The following CDC42BPA variants were observed in gnomAD, a reference collection of about 807,000 sequenced individuals.
The protein encoded by CDC42BPA is CDC42 binding protein kinase alpha, also known as serine/threonine-protein kinase MRCK alpha.
Under a neutral mutation model 223.5 loss-of-function variants are expected in CDC42BPA, and 80 were observed. The observed-to-expected ratio is 0.36, with a 90% CI of 0.30 to 0.43. The LOEUF (loss-of-function observed/expected upper bound fraction) is 0.43. CDC42BPA is among the 20% of genes least tolerant of loss of function. The probability of loss-of-function intolerance (pLI) is 1.00; values close to 1 mark genes in which losing one functional copy is unlikely to be tolerated. For missense variants in CDC42BPA, 1,743 were observed against 2,099.9 expected (o/e 0.83, Z 3.32); for synonymous variants, 694 against 718.6 (o/e 0.97, Z 0.55).
intron 1 of CDC42BPA, among the ~76,000 whole-genome samples, chr1:227,284,858 A>G (rs758090638): frequency 3.3e-5 from 5 of 151,754 alleles, no homozygotes; most frequent in East Asian, 3.9e-4. Flanking sequence ...GCTACTCAGG[A>G]GGCTGAGGTG....
In CDC42BPA at chr1:227,260,927, T is replaced by C. The variant is rs142345801; in HGVS notation, c.179-6772A>G. ...GCCATGTTAAAACTGTTATCAATTA[T>C]GCCAGGCTCTGTGTCTAAATTCTGT... On this transcript the variant is annotated intron_variant, in intron 1 of 36. Coordinates refer to ENST00000366766, the MANE Select transcript of CDC42BPA (RefSeq NM_001394014.1). Among the ~76,000 whole-genome samples, 1,071 of 151,030 alleles carry C rather than the reference T, an allele frequency of 7.1e-3. 11 individuals carry two copies. Among genetic ancestry groups the C allele is most frequent in the Non-Finnish European group, 8.8e-3 (601 of 68,014 alleles).
intron 15 of CDC42BPA, among the ~76,000 whole-genome samples, chr1:227,098,152 C>T (rs1684360826): frequency 6.6e-6 from 1 of 152,144 alleles, no homozygotes; most frequent in Non-Finnish European, 1.5e-5. Context: ...CACAAGGACA[C>T]TAAATTTGCC....
At chr1:227,085,007 A>G (rs2149183073) in intron 16 of CDC42BPA, among the ~76,000 whole-genome samples, 2 of 152,314 alleles carry the variant, frequency 1.3e-5, no homozygotes, top group East Asian at 3.9e-4. Context: ...TCAGACCTGA[A>G]ACGAGGCAGA....
At chr1:227,265,031 G>A (rs576580452) in intron 1 of CDC42BPA, 7 of 795,932 alleles carry the variant, frequency 8.8e-6, no homozygotes, top group South Asian at 2.7e-5. Context: ...ATCACACTGA[G>A]GATTTGGCTT....
chr1:227,010,821 CAA>C (rs2148434761), intron 34 of CDC42BPA: 1 of 1,096,258 alleles, frequency 9.1e-7, no homozygotes, highest in East Asian at 6.9e-5. Flanking sequence ...TTAAGCCAGG[CAA>C]AAGGAAATCC....
chr1:227,153,621 T>C (rs1436334377), intron 6 of CDC42BPA, among the ~76,000 whole-genome samples: 2 of 151,892 alleles, frequency 1.3e-5, no homozygotes, highest in Non-Finnish European at 2.9e-5. Flanking sequence ...TTTATGGCAA[T>C]ACAATTGAAA....
chr1:227,227,723 A>G (rs1185434046), intron 2 of CDC42BPA, among the ~76,000 whole-genome samples: 1 of 152,188 alleles, frequency 6.6e-6, no homozygotes, highest in Non-Finnish European at 1.5e-5. Flanking sequence ...TAAAGACAGG[A>G]AATAAAGGTT....
intron 1 of CDC42BPA, among the ~76,000 whole-genome samples, chr1:227,314,434 CAAGA>C (rs1465746552): frequency 6.6e-6 from 1 of 151,966 alleles, no homozygotes; most frequent in Non-Finnish European, 1.5e-5. Context: ...GCACCAAAAG[CAAGA>C]AAGGCTGTCA....
intron 1 of CDC42BPA, among the ~76,000 whole-genome samples, chr1:227,299,172 A>C (rs937711582): frequency 6.6e-6 from 1 of 152,226 alleles, no homozygotes; most frequent in Non-Finnish European, 1.5e-5. Flanking sequence ...ATGAAACTTG[A>C]CTTTTTAACT....
intron 1 of CDC42BPA, among the ~76,000 whole-genome samples, chr1:227,267,394 T>C (rs554684214): frequency 1.3e-5 from 2 of 152,326 alleles, no homozygotes; most frequent in East Asian, 3.9e-4. Flanking sequence ...AGTATTACTA[T>C]ATTTTAATGT....
chr1:227,162,864 A>ATGTGTGTG (rs1261183207), intron 5 of CDC42BPA, among the ~76,000 whole-genome samples: 3 of 26,172 alleles, frequency 1.1e-4, no homozygotes, highest in East Asian at 1.3e-3. Flanking sequence ...TAAAATAAAT[A>ATGTGTGTG]TATATGTGTG....
At chr1:227,215,380 T>C (rs1333494061) in intron 2 of CDC42BPA, among the ~76,000 whole-genome samples, 1 of 152,212 alleles carries the variant, frequency 6.6e-6, no homozygotes, top group Non-Finnish European at 1.5e-5. Flanking sequence ...AACCTTTCAA[T>C]ACTTCAGTGT....
At chr1:227,290,767 C>T (rs142770251) in intron 1 of CDC42BPA, among the ~76,000 whole-genome samples, 5 of 152,126 alleles carry the variant, frequency 3.3e-5, no homozygotes, top group Non-Finnish European at 1.5e-5. Context: ...TCCTCTCTTA[C>T]ACACAGTAAC....
intron 1 of CDC42BPA, among the ~76,000 whole-genome samples, chr1:227,311,290 T>C (rs1183992493): frequency 6.6e-6 from 1 of 151,954 alleles, no homozygotes; most frequent in Non-Finnish European, 1.5e-5. Flanking sequence ...GCCCAGGAGG[T>C]TGAGGCTGTA....
chr1:227,005,960 C>G (rs1036963983), intron 34 of CDC42BPA, among the ~76,000 whole-genome samples: 3 of 152,212 alleles, frequency 2.0e-5, no homozygotes, highest in Non-Finnish European at 4.4e-5. Flanking sequence ...GCTGCCTCCC[C>G]AAAGGCCCCA....
At chr1:227,187,058 T>C (rs1668889426) in intron 5 of CDC42BPA, among the ~76,000 whole-genome samples, 1 of 152,212 alleles carries the variant, frequency 6.6e-6, no homozygotes, top group African/African-American at 2.4e-5. Flanking sequence ...TGCTCTCTGG[T>C]GGCCATCCTC....
intron 1 of CDC42BPA, among the ~76,000 whole-genome samples, chr1:227,312,634 C>A (rs1371967468): frequency 6.6e-6 from 1 of 152,122 alleles, no homozygotes; most frequent in African/African-American, 2.4e-5. Flanking sequence ...GGGAGGATCT[C>A]TTGAGCCCAG....
At chr1:227,253,301 C>T (rs1423154597) in intron 2 of CDC42BPA, among the ~76,000 whole-genome samples, 1 of 152,108 alleles carries the variant, frequency 6.6e-6, no homozygotes, top group African/African-American at 2.4e-5. Flanking sequence ...TGTATCTTTA[C>T]AAGTGAGTCG....
chr1:227,108,325 C>T (rs1229029319), intron 14 of CDC42BPA, among the ~76,000 whole-genome samples: 6 of 151,768 alleles, frequency 4.0e-5, no homozygotes, highest in African/African-American at 1.5e-4. Flanking sequence ...CACGTATTTT[C>T]TAATTTCCCT....
Sources: gnomAD v4.1 joint callset for allele counts (sites outside exome capture counted in the v4.1 genomes callset) on GRCh38, gnomAD v4.1.1 for gene constraint, MANE v1.5 for transcripts, NCBI Gene and HGNC (gene_info 2026-07-23, HGNC 2026-07-21) for gene names.